GTPBP1: variants seen among roughly 807,000 people sequenced by gnomAD.
GTPBP1 encodes GTP binding protein 1.
Under a neutral mutation model 62.0 loss-of-function variants are expected in GTPBP1, and 23 were observed. The ratio of observed to expected loss-of-function variants is 0.37; its 90% CI spans 0.27 to 0.53. The LOEUF (loss-of-function observed/expected upper bound fraction) is 0.53. Ranked by LOEUF, GTPBP1 falls within the 20% of genes least tolerant of loss-of-function variation. GTPBP1 has a pLI of 0.89. For synonymous variants in GTPBP1, 344 were observed against 364.4 expected (o/e 0.94, Z 0.64); for missense variants, 640 against 917.3 (o/e 0.70, Z 3.90).
Position 38,733,395 on chromosome 22 carries a change from C to T in GTPBP1, c.*2691C>T, listed in dbSNP as rs1038695723. 6.6e-6 allele frequency: 1 copy of T among 152,340 alleles called. No homozygotes were observed. Among genetic ancestry groups the T allele is most frequent in the Non-Finnish European group, 1.5e-5 (1 of 68,110 alleles). The allele number at this position is 152,340 out of a possible 1,614,324, so 9.4% of individuals were successfully genotyped here. A position where few individuals can be genotyped will look rare whatever the true frequency, so the allele number is the denominator to read the frequency against. On this transcript the variant is annotated 3_prime_UTR_variant, in exon 12 of 12. Coordinates refer to ENST00000216044, the MANE Select transcript of GTPBP1 (RefSeq NM_004286.5). ...GACTGCCTTGGCCTCTGGCCGCACC[C>T]AGGAGGGTGGGGTTGGATCTGTGTA...
Position 38,721,933 on chromosome 22 carries a change from G to T in GTPBP1, c.958+68G>T, listed in dbSNP as rs2092702712. 3 of 1,215,048 alleles carry T rather than the reference G, an allele frequency of 2.5e-6. No homozygotes were observed. The East Asian group carries it at 7.9e-5, about 32-fold the overall frequency. The allele number at this position is 1,215,048 out of a possible 1,614,324, so 75.3% of individuals were successfully genotyped here. Reference sequence around the variant, plus strand: ...CTGTCACCTGCTGTGCCTTCAGGTGGTCTGCTACCACGGCTTTAGCCCAGA... The same window carrying T: ...CTGTCACCTGCTGTGCCTTCAGGTGTTCTGCTACCACGGCTTTAGCCCAGA... On this transcript the variant is annotated intron_variant, in intron 5 of 11. Transcript: ENST00000216044.
rs907872966 is a variant in GTPBP1, at chr22:38,720,582, T to C, written c.835-1160T>C. Among the ~76,000 whole-genome samples, 14 of 152,234 alleles carry C rather than the reference T, an allele frequency of 9.2e-5. 1 individual carries two copies. The highest frequency in any genetic ancestry group is 8.3e-4 in the South Asian group (4 of 4,828). On this transcript the variant is annotated intron_variant, in intron 4 of 11. Coordinates refer to ENST00000216044, the MANE Select transcript of GTPBP1 (RefSeq NM_004286.5). Reference sequence around the variant, plus strand: ...TTCTATATGCAACTTACTTTTTTTTTCCCCTTAAAAGCATATTTTGGAGAT... The same window carrying C: ...TTCTATATGCAACTTACTTTTTTTTCCCCCTTAAAAGCATATTTTGGAGAT...
chr22:38,730,536 C>CG lies in GTPBP1; in HGVS notation c.1918-75dup, dbSNP rs2092751890. 1 of 1,007,200 alleles carries CG rather than the reference C, an allele frequency of 9.9e-7. No homozygotes were observed. 62.4% of individuals were successfully genotyped at this position (1,007,200 alleles called of 1,614,324 possible). On this transcript the variant is annotated intron_variant, in intron 11 of 11. Transcript: ENST00000216044. This position sits in a 1 kb window ranked among gnomAD's most constrained non-coding sequence, Gnocchi z 5.6. ...CACGCATCTTCCGTCCCTGTCTCCC[C>CG]GCTGCTCAGCACCTCTGCTCTCTGG...
At position 38,726,407 on chromosome 22, in the gene GTPBP1, G is replaced by A. The variant is rs900190180; in HGVS notation, c.1368G>A (p.Arg456=). The change falls in exon 8 of 12, where the codon CGG becomes CGA. Residue 456 remains arginine, a synonymous_variant. Transcript: ENST00000216044. The surrounding 1 kb of genome is among the most constrained non-coding windows in gnomAD (Gnocchi z 4.1). ...HRKRMPVKEV[R]GGQTASFALK... ...AGCGCATGCCTGTCAAGGAGGTGCG[G>A]GGTGGCCAGACAGCATCCTTTGCGC... 1 of 1,613,930 alleles carries A rather than the reference G, an allele frequency of 6.2e-7. No individual in the cohort carries two copies. Among genetic ancestry groups the A allele is most frequent in the East Asian group, 2.2e-5 (1 of 44,878 alleles).
downstream of GTPBP1, chr22:38,741,037 C>G: frequency 6.3e-7 from 1 of 1,597,244 alleles, no homozygotes; most frequent in South Asian, 1.1e-5. Flanking sequence ...CTGCTGGATG[C>G]GAGCCTCGGA....
rs140918933 is a variant in GTPBP1 at position 38,729,554 on chromosome 22, C to T, written c.1809C>T (p.Asp603=). The T allele has an allele frequency of 1.1e-4, 177 of 1,604,020 alleles. No homozygotes were observed. The African/African-American group carries it at 1.3e-3, about 11-fold the overall frequency. ...STKKGPLTKR[D]EGGPSGGPAV... ...AAAAGGGCCCCCTGACGAAACGAGA[C>T]GAGGGGGGCCCGTCTGGTGGGCCAG... Residue 603 remains aspartate, a synonymous_variant, in exon 11 of 12, where the codon GAC becomes GAT. Transcript: ENST00000216044.
At chr22:38,707,076 C>T (rs771815823) in intron 1 of GTPBP1, among the ~76,000 whole-genome samples, 6 of 152,178 alleles carry the variant, frequency 3.9e-5, no homozygotes, top group Non-Finnish European at 8.8e-5. Flanking sequence ...ACCACCTCAT[C>T]TTAAGAAAGT....
At chr22:38,725,699 G>C (rs1056857740) in intron 6 of GTPBP1, 2 of 340,850 alleles carry the variant, frequency 5.9e-6, no homozygotes, top group African/African-American at 4.1e-5. Context: ...AAGCAAGCAT[G>C]CGTGTGTTTT....
chr22:38,728,110 G>A lies in GTPBP1; in HGVS notation c.1665G>A (p.Gln555=). 1 of 1,613,876 alleles carries A rather than the reference G, an allele frequency of 6.2e-7. No individual in the cohort carries two copies. Among genetic ancestry groups the A allele is most frequent in the Non-Finnish European group, 8.5e-7 (1 of 1,179,778 alleles). The change falls in exon 10 of 12, where the codon CAG becomes CAA. Residue 555 remains glutamine (Q), a synonymous_variant. Coordinates refer to ENST00000216044, the MANE Select transcript of GTPBP1 (RefSeq NM_004286.5). ...CCCCTGAGTACCTGCACATAGACCA[G>A]CGGCTGGTGTTCCGGGAAGGCCGCA... ...IKTPEYLHID[Q]RLVFREGRTK...
At chr22:38,741,472 T>C, downstream of GTPBP1, 1 of 1,612,766 alleles carries the variant, frequency 6.2e-7, no homozygotes, top group Non-Finnish European at 8.5e-7. Context: ...TCACAGGCCC[T>C]GAGTGCCGCA....
chr22:38,707,772 C>A (rs926535633), intron 1 of GTPBP1, among the ~76,000 whole-genome samples: 2 of 151,738 alleles, frequency 1.3e-5, no homozygotes, highest in Non-Finnish European at 2.9e-5. Context: ...GTCCTCCTTA[C>A]AATTAAAAAA....
intron 5 of GTPBP1, 48 bp downstream of exon 5, chr22:38,721,913 A>C: frequency 6.8e-7 from 1 of 1,474,998 alleles, no homozygotes; most frequent in Non-Finnish European, 9.3e-7. Context: ...TGGGGCTGTC[A>C]CCTGCTGTGC....
chr22:38,709,009 G>A (rs373210243), intron 2 of GTPBP1, 53 bp downstream of exon 2: 38 of 1,106,620 alleles, frequency 3.4e-5, no homozygotes, highest in South Asian at 5.0e-5. Context: ...GGCCGGGTGC[G>A]GTGGCCCTGC....
At position 38,730,724 on chromosome 22, in the gene GTPBP1, T is replaced by A; in HGVS notation, c.*20T>A. The A allele has an allele frequency of 1.4e-6, 2 of 1,407,976 alleles. No individual in the cohort carries two copies. The highest frequency in any genetic ancestry group is 2.0e-6 in the Non-Finnish European group (2 of 1,019,084). The allele number at this position is 1,407,976 out of a possible 1,614,324, so 87.2% of individuals were successfully genotyped here. ...TGCTGAACCTTCCCCTGGCCCACCC[T>A]CACCACCCAAGGGGTCATCATCTCT... is the stretch of plus-strand genomic sequence containing the variant. On this transcript the variant is annotated 3_prime_UTR_variant, in exon 12 of 12. Transcript: ENST00000216044. The surrounding 1 kb of genome is among the most constrained non-coding windows in gnomAD (Gnocchi z 5.6).
Position 38,708,959 on chromosome 22 carries a change from G to A in GTPBP1, c.304+3G>A, listed in dbSNP as rs2092622345. The stretch of plus-strand genomic sequence containing the variant: ...ATATGTCATTGGGCAGGGATCAGGT[G>A]AGCATAGTTTTCCTTTCACTTTATT... On this transcript the variant is annotated splice_donor_region_variant and intron_variant, in intron 2 of 11. Transcript: ENST00000216044. 4.0e-6 allele frequency: 6 copies of A among 1,515,574 alleles called. No homozygotes were observed. The highest frequency in any genetic ancestry group is 4.6e-6 in the Non-Finnish European group (5 of 1,089,834). The allele number at this position is 1,515,574 out of a possible 1,614,324, so 93.9% of individuals were successfully genotyped here.
intron 2 of GTPBP1, among the ~76,000 whole-genome samples, chr22:38,709,861 G>A (rs1482278558): frequency 1.3e-5 from 2 of 152,204 alleles, no homozygotes; most frequent in Admixed American, 1.3e-4. Context: ...ACTGGTTATT[G>A]TTCTCCAAGC....
At chr22:38,739,776 C>T (rs146770286), downstream of GTPBP1, 358 of 1,613,648 alleles carry the variant, frequency 2.2e-4, no homozygotes, top group African/African-American at 4.1e-3. The surrounding 1 kb of genome is among the most constrained non-coding windows in gnomAD (Gnocchi z 6.7). Flanking sequence ...TCAGGGAGGC[C>T]GCGGCTTCCC....
chr22:38,739,338 G>A (rs367645117), downstream of GTPBP1: 75 of 1,612,796 alleles, frequency 4.7e-5, no homozygotes, highest in African/African-American at 4.7e-4. This position sits in a 1 kb window ranked among gnomAD's most constrained non-coding sequence, Gnocchi z 6.7. Flanking sequence ...AGCAGAGCAC[G>A]TACCTCCTGA....
Position 38,730,533 on chromosome 22 carries a change from C to A in GTPBP1, c.1918-79C>A. On this transcript the variant is annotated intron_variant, in intron 11 of 11. Coordinates refer to ENST00000216044, the MANE Select transcript of GTPBP1 (RefSeq NM_004286.5). The surrounding 1 kb of genome is among the most constrained non-coding windows in gnomAD (Gnocchi z 5.6). Reference sequence around the variant, plus strand: ...GCTCACGCATCTTCCGTCCCTGTCTCCCCGCTGCTCAGCACCTCTGCTCTC... The same window carrying A: ...GCTCACGCATCTTCCGTCCCTGTCTACCCGCTGCTCAGCACCTCTGCTCTC... 1 of 973,920 alleles carries A rather than the reference C, an allele frequency of 1.0e-6. No individual in the cohort carries two copies. Among genetic ancestry groups the A allele is most frequent in the Non-Finnish European group, 1.6e-6 (1 of 614,978 alleles). 60.3% of individuals were successfully genotyped at this position (973,920 alleles called of 1,614,324 possible).
Sources: allele counts gnomAD v4.1 joint callset (sites outside exome capture counted in the v4.1 genomes callset), GRCh38; gene constraint gnomAD v4.1.1; non-coding constraint Gnocchi (gnomAD v3.1); transcripts MANE v1.5; gene names NCBI Gene and HGNC (gene_info 2026-07-23, HGNC 2026-07-21).